RPTOR: variants seen among roughly 807,000 people sequenced by gnomAD.
The protein encoded by RPTOR is regulatory associated protein of MTOR complex 1.
A neutral mutation model predicts 169.9 loss-of-function variants in RPTOR; 21 were observed. The ratio of observed to expected loss-of-function variants is 0.12; its 90% confidence interval spans 0.09 to 0.18. The LOEUF is 0.18. Among genes scored for constraint, RPTOR ranks in the 10% least tolerant of loss-of-function variants. The pLI, the probability that RPTOR is intolerant of heterozygous loss-of-function variation, is 1.00. For synonymous variants in RPTOR, 732 were observed against 753.2 expected, an observed-to-expected ratio of 0.97 and a Z score of 0.46; for missense variants, 1,133 against 1,855.9, an observed-to-expected ratio of 0.61 and a Z score of 7.16.
rs146584620 is a variant in RPTOR, at chr17:80,640,863, G to A, written c.266-2865G>A. ...TGCATAGTGTGAGCCACCGCTGACC[G>A]TCGTGATGCATGGACAGTTTTCTGA... On this transcript the variant is annotated intron_variant, in intron 2 of 33. Coordinates refer to ENST00000306801, the MANE Select transcript of RPTOR (RefSeq NM_020761.3). 1.5e-3 allele frequency among the ~76,000 whole-genome samples: 227 copies of A among 152,328 alleles called. 2 individuals are homozygous for A. The highest frequency in any genetic ancestry group is 5.4e-3 in the African/African-American group (224 of 41,570).
chr17:80,653,929 G>A (rs1376505260), intron 3 of RPTOR, among the ~76,000 whole-genome samples: 1 of 152,228 alleles, frequency 6.6e-6, no homozygotes, highest in Non-Finnish European at 1.5e-5. Context: ...ACTGCATTGT[G>A]TCGCTGGATT....
At chr17:80,567,741 G>A (rs1212574970) in intron 1 of RPTOR, among the ~76,000 whole-genome samples, 5 of 151,482 alleles carry the variant, frequency 3.3e-5, no homozygotes, top group African/African-American at 7.3e-5. Flanking sequence ...GCAGCGAGCC[G>A]AGATCGCGCC....
intron 1 of RPTOR, among the ~76,000 whole-genome samples, chr17:80,552,244 A>G (rs1443182597): frequency 1.3e-5 from 2 of 152,238 alleles, no homozygotes. Context: ...TGCTTAAAGT[A>G]GAACTCAGAC....
chr17:80,838,344 C>G (rs1245476100), intron 10 of RPTOR, among the ~76,000 whole-genome samples: 1 of 152,188 alleles, frequency 6.6e-6, no homozygotes, highest in Admixed American at 6.5e-5. Flanking sequence ...GCCTCTGACT[C>G]TCAGCCCTGT....
rs192751317 is a variant in RPTOR, at chr17:80,668,987, G to A, written c.348+25177G>A. Among the ~76,000 whole-genome samples the A allele has an allele frequency of 7.2e-3, 751 of 103,848 alleles. 6 individuals carry two copies. Among genetic ancestry groups the A allele is most frequent in the African/African-American group, 0.019 (696 of 36,924 alleles). The allele number at this position is 103,848 out of a possible 152,430, so 68.1% of individuals were successfully genotyped here. On this transcript the variant is annotated intron_variant, in intron 3 of 33. Coordinates refer to ENST00000306801, the MANE Select transcript of RPTOR (RefSeq NM_020761.3). ...CAGTGCTGTGGGTCTGCTGCCTCCC[G>A]GGTGCTTCTCACACCACAGAGGCTG...
At chr17:80,910,758 C>T (rs532306535) in intron 21 of RPTOR, among the ~76,000 whole-genome samples, 31 of 152,084 alleles carry the variant, frequency 2.0e-4, no homozygotes, top group Non-Finnish European at 3.7e-4. Flanking sequence ...GCTTTCGGTT[C>T]CTTCAACTAA....
Position 80,571,545 on chromosome 17 carries a change from G to T in RPTOR, c.162+25754G>T, listed in dbSNP as rs185167870. ...ATCTCTTCACTTTTCTTTTGAGATCGGGTCTCATTCTGTCTCCCAGACTGG... is the reference window on the plus strand; with the variant it reads ...ATCTCTTCACTTTTCTTTTGAGATCTGGTCTCATTCTGTCTCCCAGACTGG... On this transcript the variant is annotated intron_variant, in intron 1 of 33. Transcript: ENST00000306801. Among the ~76,000 whole-genome samples, 11 of 151,976 alleles carry T rather than the reference G, an allele frequency of 7.2e-5. 1 individual carries two copies. In the East Asian group the frequency reaches 2.1e-3, roughly 29 times the overall value.
intron 9 of RPTOR, among the ~76,000 whole-genome samples, chr17:80,828,025 G>A (rs1157980638): frequency 6.6e-6 from 1 of 152,240 alleles, no homozygotes; most frequent in Non-Finnish European, 1.5e-5. Flanking sequence ...GTCATGGGAT[G>A]TACGTGCATG....
chr17:80,915,161 T>C (rs1242440518), intron 21 of RPTOR, among the ~76,000 whole-genome samples: 1 of 149,960 alleles, frequency 6.7e-6, no homozygotes, highest in African/African-American at 2.5e-5. Flanking sequence ...TCCTCTCTGC[T>C]GAGAACTGAG....
At chr17:80,650,677 G>A (rs2065633002) in intron 3 of RPTOR, among the ~76,000 whole-genome samples, 3 of 152,198 alleles carry the variant, frequency 2.0e-5, no homozygotes, top group Admixed American at 2.0e-4. Context: ...ATTTGCACCA[G>A]GGAGGCCATG....
At chr17:80,582,108 A>C (rs1277085307) in intron 1 of RPTOR, among the ~76,000 whole-genome samples, 1 of 152,124 alleles carries the variant, frequency 6.6e-6, no homozygotes, top group Non-Finnish European at 1.5e-5. Context: ...GCCTCATCTC[A>C]CTCATTGAAC....
chr17:80,900,959 A>G (rs7208835), intron 20 of RPTOR, among the ~76,000 whole-genome samples: 115,606 of 152,184 alleles, frequency 0.76, 44,100 homozygotes, highest in Admixed American at 0.8. Context: ...TGGATACCAC[A>G]TGGGCATCTC....
At chr17:80,927,003 CGGGTGGCATGA>C (rs2068818901) in intron 24 of RPTOR, among the ~76,000 whole-genome samples, 1 of 152,212 alleles carries the variant, frequency 6.6e-6, no homozygotes, top group South Asian at 2.1e-4. Context: ...TGCTTACCTG[CGGGTGGCATGA>C]GGGTGGCGGC....
intron 5 of RPTOR, chr17:80,743,332 C>T (rs1396004905): frequency 5.2e-5 from 51 of 985,288 alleles, no homozygotes; most frequent in African/African-American, 3.3e-4. Context: ...TTGCAGGTTC[C>T]GCCGTGCAGA....
Position 80,961,381 on chromosome 17 carries a change from C to A in RPTOR, c.3606-13C>A. The A allele has an allele frequency of 1.3e-6, 2 of 1,545,726 alleles. No homozygotes were observed. Among genetic ancestry groups the A allele is most frequent in the Non-Finnish European group, 1.7e-6 (2 of 1,146,126 alleles). On this transcript the variant is annotated splice_polypyrimidine_tract_variant and intron_variant, in intron 30 of 33. Transcript: ENST00000306801. ...AGGGAAGCCCCACGCTGAGCGTGCC[C>A]CCTCCCCTACAGCCGCGTCATGACG... is the stretch of plus-strand genomic sequence containing the variant.
At chr17:80,828,126 T>C (rs1187354334) in intron 9 of RPTOR, among the ~76,000 whole-genome samples, 2 of 152,224 alleles carry the variant, frequency 1.3e-5, no homozygotes, top group African/African-American at 4.8e-5. Context: ...CACCTCTTGT[T>C]ACACATGGCC....
chr17:80,549,581 G>C (rs1033407383), intron 1 of RPTOR, among the ~76,000 whole-genome samples: 8 of 152,148 alleles, frequency 5.3e-5, no homozygotes, highest in Admixed American at 1.3e-4. Flanking sequence ...CCAAAGTGCT[G>C]GGATTACAGG....
chr17:80,841,380 C>T (rs1182658178), intron 10 of RPTOR, among the ~76,000 whole-genome samples: 1 of 133,256 alleles, frequency 7.5e-6, no homozygotes, highest in Non-Finnish European at 1.6e-5. Context: ...CTCACACTCA[C>T]CGCACGGCAG....
At chr17:80,597,319 C>T (rs927435408) in intron 1 of RPTOR, among the ~76,000 whole-genome samples, 107 of 152,192 alleles carry the variant, frequency 7.0e-4, no homozygotes, top group African/African-American at 2.4e-3. Context: ...GAGAGGAAAC[C>T]GAGCATGGCT....
Sources: allele counts gnomAD v4.1 joint callset (sites outside exome capture counted in the v4.1 genomes callset), GRCh38; gene constraint gnomAD v4.1.1; transcripts MANE v1.5; gene names NCBI Gene and HGNC (gene_info 2026-07-23, HGNC 2026-07-21).